Variants in OR1B1 observed in about 807,000 individuals in gnomAD.
OR1B1 encodes the protein olfactory receptor family 1 subfamily B member 1.
For missense variants in OR1B1, 414 were observed against 402.1 expected, an observed-to-expected ratio of 1.03 and a Z score of -0.25; for synonymous variants, 168 against 156.2, an observed-to-expected ratio of 1.08 and a Z score of -0.57.
chr9:122,642,964 T>G, the OR1B1 span, among the ~76,000 whole-genome samples: 1 of 152,172 alleles, frequency 6.6e-6, no homozygotes, highest in African/African-American at 2.4e-5. Flanking sequence ...TTACCTGAAG[T>G]GTCGGATATA....
chr9:122,629,043 C>G lies in OR1B1; in HGVS notation c.493G>C (p.Val165Leu). 3 of 1,614,006 alleles carry G rather than the reference C, an allele frequency of 1.9e-6. No homozygotes were observed. In the South Asian group the frequency reaches 3.3e-5, roughly 18 times the overall value. ...TCCCCAGTCCAGCAAAGAGGCAGGA[C>G]GAGTCCCACACGCAACATGGTGTGC... is the stretch of plus-strand genomic sequence containing the variant. Residue 165 changes from valine (V) to leucine (L), a missense_variant, in exon 1 of 1, where the codon GTC (valine) becomes CTC (leucine). Transcript: ENST00000623530.
chr9:122,632,978 G>A (rs146686311), upstream of OR1B1, among the ~76,000 whole-genome samples: 20 of 152,226 alleles, frequency 1.3e-4, no homozygotes, highest in South Asian at 8.3e-4. Context: ...CTCACATGGC[G>A]GCAGACAAGA....
chr9:122,633,858 C>T (rs535594085), upstream of OR1B1, among the ~76,000 whole-genome samples: 30 of 142,912 alleles, frequency 2.1e-4, no homozygotes, highest in Middle Eastern at 3.6e-3. Flanking sequence ...TGAACCCAGA[C>T]GCAGAAGTTG....
At chr9:122,642,586 T>C in the OR1B1 span, among the ~76,000 whole-genome samples, 2 of 152,046 alleles carry the variant, frequency 1.3e-5, no homozygotes, top group African/African-American at 4.8e-5. Flanking sequence ...TGACATACTC[T>C]CAAGGGAAGG....
At chr9:122,652,646 A>G in the OR1B1 span, among the ~76,000 whole-genome samples, 2 of 152,116 alleles carry the variant, frequency 1.3e-5, no homozygotes, top group Non-Finnish European at 1.5e-5. Context: ...GTTCATATAT[A>G]TTCTACTGAC....
At chr9:122,646,966 G>A in the OR1B1 span, among the ~76,000 whole-genome samples, 17 of 152,084 alleles carry the variant, frequency 1.1e-4, no homozygotes, top group Non-Finnish European at 2.1e-4. Flanking sequence ...TTCTTTTTGC[G>A]TGTTAGTTTG....
the OR1B1 span, among the ~76,000 whole-genome samples, chr9:122,644,270 A>G: frequency 6.6e-6 from 1 of 151,682 alleles, no homozygotes; most frequent in Non-Finnish European, 1.5e-5. Context: ...CATTCACCAC[A>G]AGCTGAAAGA....
At chr9:122,632,657 T>A (rs1310986204), upstream of OR1B1, among the ~76,000 whole-genome samples, 1 of 152,092 alleles carries the variant, frequency 6.6e-6, no homozygotes. Flanking sequence ...TACTTATGAG[T>A]GAGAACATTC....
chr9:122,629,210 A>G, exon 1 of OR1B1: 1 of 1,614,090 alleles, frequency 6.2e-7, no homozygotes, highest in Non-Finnish European at 8.5e-7. Flanking sequence ...TGTAACCCCA[A>G]ATGCATAGAA....
At chr9:122,645,336 A>T in the OR1B1 span, among the ~76,000 whole-genome samples, 1 of 152,074 alleles carries the variant, frequency 6.6e-6, no homozygotes, top group Non-Finnish European at 1.5e-5. Flanking sequence ...CTTAAAGAGG[A>T]GGTAGAAAGA....
the OR1B1 span, among the ~76,000 whole-genome samples, chr9:122,653,383 T>C: frequency 7.9e-5 from 12 of 152,168 alleles, no homozygotes; most frequent in Non-Finnish European, 1.8e-4. Flanking sequence ...TTGGAAAATA[T>C]CTTAACCTGT....
the OR1B1 span, among the ~76,000 whole-genome samples, chr9:122,657,022 TA>T: frequency 6.6e-6 from 1 of 152,246 alleles, no homozygotes; most frequent in East Asian, 1.9e-4. Context: ...ATTTCTAGTT[TA>T]ATTTTTTTTC....
chr9:122,638,585 G>A, the OR1B1 span, among the ~76,000 whole-genome samples: 45 of 152,208 alleles, frequency 3.0e-4, no homozygotes, highest in Admixed American at 9.8e-4. Flanking sequence ...ATATCTATCC[G>A]AGAACTAAGA....
the OR1B1 span, among the ~76,000 whole-genome samples, chr9:122,654,224 G>A: frequency 1.8e-4 from 28 of 152,294 alleles, no homozygotes; most frequent in East Asian, 5.0e-3. Flanking sequence ...AAAGGGAAGA[G>A]TGCAATTACA....
the OR1B1 span, among the ~76,000 whole-genome samples, chr9:122,640,815 A>G: frequency 6.6e-6 from 1 of 152,182 alleles, no homozygotes; most frequent in Non-Finnish European, 1.5e-5. Flanking sequence ...TCAGGTAGTC[A>G]CATGATCCAG....
chr9:122,656,950 G>A, the OR1B1 span, among the ~76,000 whole-genome samples: 1 of 151,802 alleles, frequency 6.6e-6, no homozygotes, highest in South Asian at 2.1e-4. Flanking sequence ...ATCAACTGAG[G>A]GGTCCAACTG....
the OR1B1 span, among the ~76,000 whole-genome samples, chr9:122,655,828 C>T: frequency 1.3e-5 from 2 of 151,304 alleles, no homozygotes; most frequent in African/African-American, 4.9e-5. Context: ...ACATGTACCC[C>T]AGAGCTTAAC....
chr9:122,629,506 G>C, exon 1 of OR1B1: 1 of 1,610,872 alleles, frequency 6.2e-7, no homozygotes, highest in Non-Finnish European at 8.5e-7. Context: ...AAACCGGAGA[G>C]TGTGAAGCAT....
chr9:122,629,394 C>G (rs1830180945), exon 1 of OR1B1: 1 of 1,613,888 alleles, frequency 6.2e-7, no homozygotes, highest in Non-Finnish European at 8.5e-7. Context: ...ATGAGCAGCA[C>G]CAGTGTCACA....
Sources: gnomAD v4.1 joint callset for allele counts (sites outside exome capture counted in the v4.1 genomes callset) on GRCh38, gnomAD v4.1.1 for gene constraint, MANE v1.5 for transcripts, NCBI Gene and HGNC (gene_info 2026-07-23, HGNC 2026-07-21) for gene names.